The following DYM variants were observed in gnomAD, a reference collection of about 807,000 sequenced individuals.
DYM encodes dyggve-Melchior-Clausen syndrome protein.
DYM carries 78 observed loss-of-function variants against 93.1 expected under a neutral mutation model. The observed-to-expected ratio is 0.84, with a 90% CI of 0.70 to 1.01. The LOEUF (loss-of-function observed/expected upper bound fraction) is 1.01. DYM is among the 50% of genes least tolerant of loss of function. The pLI is 0.00. For missense variants in DYM, 789 were observed against 845.0 expected (o/e 0.93, Z 0.82); for synonymous variants, 321 against 319.7 (o/e 1.00, Z -0.04).
At chr18:49,329,956 C>T (rs2063193178) in intron 8 of DYM, among the ~76,000 whole-genome samples, 1 of 152,188 alleles carries the variant, frequency 6.6e-6, no homozygotes, top group Admixed American at 6.5e-5. Context: ...GAAGTGATCA[C>T]ACAACTTAAG....
intron 17 of DYM, among the ~76,000 whole-genome samples, chr18:49,073,984 G>T (rs902681210): frequency 7.9e-5 from 12 of 152,140 alleles, no homozygotes; most frequent in African/African-American, 2.9e-4. Context: ...ACGTTAAGAT[G>T]GAAGGGAAAG....
At chr18:49,207,427 T>C (rs1347593489) in intron 14 of DYM, among the ~76,000 whole-genome samples, 1 of 152,232 alleles carries the variant, frequency 6.6e-6, no homozygotes, top group Non-Finnish European at 1.5e-5. Context: ...AGTGTGATGA[T>C]GTTTTATGTG....
intron 2 of DYM, among the ~76,000 whole-genome samples, chr18:49,405,334 A>C (rs1227923418): frequency 3.9e-5 from 6 of 152,134 alleles, no homozygotes; most frequent in Admixed American, 3.3e-4. Flanking sequence ...CAATGTCCAG[A>C]ATGGTGTTTC....
At chr18:49,303,646 G>A (rs1032862898) in intron 8 of DYM, among the ~76,000 whole-genome samples, 1 of 152,172 alleles carries the variant, frequency 6.6e-6, no homozygotes. Flanking sequence ...AGGCTCTGAG[G>A]TACCCACATG....
At chr18:49,242,332 T>C (rs1217068190) in intron 13 of DYM, among the ~76,000 whole-genome samples, 1 of 152,166 alleles carries the variant, frequency 6.6e-6, no homozygotes, top group Non-Finnish European at 1.5e-5. Context: ...GAAGATCGCT[T>C]GAAACTGGGA....
At chr18:49,414,701 T>C (rs1048602097) in intron 2 of DYM, among the ~76,000 whole-genome samples, 1 of 152,176 alleles carries the variant, frequency 6.6e-6, no homozygotes, top group African/African-American at 2.4e-5. Context: ...TCATAATGTC[T>C]CTGCTCAAAT....
intron 8 of DYM, among the ~76,000 whole-genome samples, chr18:49,313,270 C>T (rs1290114293): frequency 6.6e-6 from 1 of 151,740 alleles, no homozygotes; most frequent in African/African-American, 2.4e-5. Flanking sequence ...TCAAGACCAG[C>T]CTGACCAACA....
chr18:49,386,652 A>T (rs995205748), intron 3 of DYM, among the ~76,000 whole-genome samples: 4 of 152,238 alleles, frequency 2.6e-5, no homozygotes, highest in Non-Finnish European at 4.4e-5. Flanking sequence ...CATGATGACT[A>T]GATGTCATGT....
At position 49,441,025 on chromosome 18, in the gene DYM, TTATATATAATATATAAATATATA is replaced by T. The variant is rs2081411703; in HGVS notation, c.-53-10601_-53-10579del. On this transcript the variant is annotated intron_variant, in intron 1 of 17. Coordinates refer to ENST00000675505, the MANE Select transcript of DYM (RefSeq NM_001353214.3). ...TTTATATATTATATATTATATATAT[TTATATATAATATATAAATATATA>T]ATATATTTATATATATTATATATAA... 1.7e-3 allele frequency among the ~76,000 whole-genome samples: 8 copies of T among 4,680 alleles called. 2 individuals carry two copies. Among genetic ancestry groups the T allele is most frequent in the Non-Finnish European group, 3.8e-3 (8 of 2,084 alleles). The allele number at this position is 4,680 out of a possible 152,430, so 3.1% of individuals were successfully genotyped here.
chr18:49,264,101 GT>G (rs66500150), intron 11 of DYM, among the ~76,000 whole-genome samples: 66,872 of 135,438 alleles, frequency 0.49, 16,042 homozygotes, highest in Middle Eastern at 0.65. Context: ...GATGGGCGTT[GT>G]TTTTTTTTTT....
chr18:49,287,344 T>C (rs2059730613), intron 8 of DYM, among the ~76,000 whole-genome samples: 1 of 149,856 alleles, frequency 6.7e-6, no homozygotes, highest in Non-Finnish European at 1.5e-5. Context: ...TTTAAATATA[T>C]ATATATTTTA....
chr18:49,080,601 A>C (rs1176289778), intron 17 of DYM, among the ~76,000 whole-genome samples: 5 of 110,888 alleles, frequency 4.5e-5, no homozygotes, highest in East Asian at 2.8e-4. Context: ...TGACCCCCCC[A>C]CCTCCCTCCT....
chr18:49,116,100 C>A, intron 16 of DYM: 1 of 152,188 alleles, frequency 6.6e-6, no homozygotes, highest in East Asian at 1.9e-4. Flanking sequence ...AAAGGACATG[C>A]CCAGTTATAA....
intron 1 of DYM, among the ~76,000 whole-genome samples, chr18:49,445,994 G>C (rs1323867371): frequency 6.6e-6 from 1 of 151,932 alleles, no homozygotes; most frequent in Non-Finnish European, 1.5e-5. Flanking sequence ...TTAGAAATAG[G>C]GGAAGGAAAG....
intron 17 of DYM, among the ~76,000 whole-genome samples, chr18:49,089,852 G>C (rs773703763): frequency 1.3e-5 from 2 of 152,146 alleles, no homozygotes; most frequent in African/African-American, 4.8e-5. Flanking sequence ...CAACATTATG[G>C]GTGTTCTATT....
At chr18:49,047,620 C>T (rs964167256) in intron 17 of DYM, among the ~76,000 whole-genome samples, 4 of 152,298 alleles carry the variant, frequency 2.6e-5, no homozygotes, top group East Asian at 3.9e-4. Context: ...CTGCCCTGCA[C>T]AGTGCTCTCT....
At chr18:49,062,039 A>C (rs182830772) in intron 17 of DYM, among the ~76,000 whole-genome samples, 24 of 152,122 alleles carry the variant, frequency 1.6e-4, no homozygotes, top group African/African-American at 5.6e-4. Context: ...TGGTGCCTGG[A>C]TGTTCAGTTT....
intron 16 of DYM, among the ~76,000 whole-genome samples, chr18:49,116,874 T>C (rs2081967828): frequency 6.6e-6 from 1 of 152,194 alleles, no homozygotes; most frequent in South Asian, 2.1e-4. Flanking sequence ...ATAATCTTAT[T>C]AACACTGACA....
chr18:49,057,519 G>C (rs1030882124), intron 17 of DYM, among the ~76,000 whole-genome samples: 2 of 152,230 alleles, frequency 1.3e-5, no homozygotes, highest in Non-Finnish European at 2.9e-5. Flanking sequence ...AACTGGGGCG[G>C]GGGGTTTGGT....
Sources: gnomAD v4.1 joint callset for allele counts (sites outside exome capture counted in the v4.1 genomes callset) on GRCh38, gnomAD v4.1.1 for gene constraint, MANE v1.5 for transcripts, NCBI Gene and HGNC (gene_info 2026-07-23, HGNC 2026-07-21) for gene names.